The following CACNG2 variants were observed in gnomAD, a reference collection of about 807,000 sequenced individuals.
The protein encoded by CACNG2 is voltage-dependent calcium channel gamma-2 subunit.
In CACNG2, 3 loss-of-function variants were observed where a neutral mutation model predicts 25.9. That is an observed-to-expected ratio of 0.12 (90% CI 0.05 to 0.30). The LOEUF (loss-of-function observed/expected upper bound fraction) is 0.30, where lower values mean the gene tolerates loss of function less well. Among genes scored for constraint, CACNG2 ranks in the 10% least tolerant of loss-of-function variants. The probability of loss-of-function intolerance (pLI) is 1.00; values close to 1 mark genes in which losing one functional copy is unlikely to be tolerated. For missense variants in CACNG2, 341 were observed against 432.5 expected (o/e 0.79, Z 1.88); for synonymous variants, 167 against 173.3 (o/e 0.96, Z 0.29).
chr22:36,680,536 C>T (rs1214849535), intron 1 of CACNG2, among the ~76,000 whole-genome samples: 1 of 149,590 alleles, frequency 6.7e-6, no homozygotes, highest in Non-Finnish European at 1.5e-5. Flanking sequence ...CTGCCACCTG[C>T]ATCATGGTTA....
intron 1 of CACNG2, among the ~76,000 whole-genome samples, chr22:36,627,008 G>C (rs887390507): frequency 1.3e-5 from 2 of 152,228 alleles, no homozygotes; most frequent in African/African-American, 4.8e-5. Flanking sequence ...GGGCCACACA[G>C]ATAGGAAGTG....
chr22:36,699,268 CACACACACAG>C (rs1409462236), intron 1 of CACNG2, among the ~76,000 whole-genome samples: 1 of 151,720 alleles, frequency 6.6e-6, no homozygotes, highest in African/African-American at 2.4e-5. Context: ...CACACACACA[CACACACACAG>C]ACTTTTCAGT....
intron 1 of CACNG2, among the ~76,000 whole-genome samples, chr22:36,690,688 A>T (rs545996232): frequency 4.6e-5 from 7 of 152,220 alleles, no homozygotes; most frequent in Admixed American, 1.3e-4. Flanking sequence ...CATAAGTGAC[A>T]GGGGTGGGAT....
chr22:36,623,009 TG>T (rs200538305), intron 1 of CACNG2, among the ~76,000 whole-genome samples: 9,357 of 102,944 alleles, frequency 0.091, 1,002 homozygotes, highest in Non-Finnish European at 0.12. Flanking sequence ...CTTCAAAACA[TG>T]GGTTTTTTTT....
chr22:36,670,634 T>TGTTTGTTTG (rs1408332032), intron 1 of CACNG2, among the ~76,000 whole-genome samples: 1 of 151,832 alleles, frequency 6.6e-6, no homozygotes, highest in African/African-American at 2.4e-5. Context: ...TTTGTTTTTT[T>TGTTTGTTTG]GTTTTGTTTT....
intron 1 of CACNG2, among the ~76,000 whole-genome samples, chr22:36,657,135 C>G (rs1341158772): frequency 6.6e-6 from 1 of 152,222 alleles, no homozygotes; most frequent in East Asian, 1.9e-4. Context: ...GCCTCAGTCT[C>G]TGATGTTTGC....
chr22:36,658,398 G>T (rs1245754933), intron 1 of CACNG2, among the ~76,000 whole-genome samples: 1 of 152,234 alleles, frequency 6.6e-6, no homozygotes, highest in Non-Finnish European at 1.5e-5. Context: ...CATGGGGCCT[G>T]GGAGAGGGAA....
At chr22:36,624,087 A>G (rs1257288379) in intron 1 of CACNG2, among the ~76,000 whole-genome samples, 1 of 152,140 alleles carries the variant, frequency 6.6e-6, no homozygotes, top group African/African-American at 2.4e-5. Context: ...ATCCCAAGAG[A>G]GGGGACCTTG....
At chr22:36,570,128 T>C (rs1023530496) in intron 2 of CACNG2, among the ~76,000 whole-genome samples, 1 of 152,192 alleles carries the variant, frequency 6.6e-6, no homozygotes, top group Non-Finnish European at 1.5e-5. Context: ...TTGAGCCCCA[T>C]CTGCTGTGGG....
chr22:36,673,998 G>A (rs568512081), intron 1 of CACNG2, among the ~76,000 whole-genome samples: 3 of 152,318 alleles, frequency 2.0e-5, no homozygotes, highest in South Asian at 2.1e-4. Flanking sequence ...GCACGCAATC[G>A]CTGGTGTGCC....
At chr22:36,592,960 AC>A (rs1033574158) in intron 1 of CACNG2, among the ~76,000 whole-genome samples, 20 of 152,162 alleles carry the variant, frequency 1.3e-4, no homozygotes, top group Admixed American at 1.1e-3. Flanking sequence ...GCCCAGTCCC[AC>A]CAGTCAGGAC....
intron 2 of CACNG2, among the ~76,000 whole-genome samples, chr22:36,577,814 G>A (rs1397144006): frequency 6.6e-6 from 1 of 152,130 alleles, no homozygotes; most frequent in Non-Finnish European, 1.5e-5. Flanking sequence ...ATGGGGTGGG[G>A]TCACAATAGT....
At chr22:36,683,861 C>T (rs778354832) in intron 1 of CACNG2, among the ~76,000 whole-genome samples, 1 of 152,158 alleles carries the variant, frequency 6.6e-6, no homozygotes, top group African/African-American at 2.4e-5. Flanking sequence ...CCACCCCCCG[C>T]GACCCCTGGC....
intron 1 of CACNG2, among the ~76,000 whole-genome samples, chr22:36,654,509 G>A (rs1936675725): frequency 6.6e-6 from 1 of 152,032 alleles, no homozygotes; most frequent in South Asian, 2.1e-4. Context: ...TGAAATTACA[G>A]GTGTGACCCA....
intron 1 of CACNG2, among the ~76,000 whole-genome samples, chr22:36,668,918 C>T (rs1389705328): frequency 2.6e-5 from 4 of 152,108 alleles, no homozygotes; most frequent in Admixed American, 6.5e-5. Context: ...CCTTCTTCAA[C>T]GTTTCTGTTC....
At chr22:36,649,758 G>A (rs751043669) in intron 1 of CACNG2, among the ~76,000 whole-genome samples, 4 of 152,156 alleles carry the variant, frequency 2.6e-5, no homozygotes, top group Non-Finnish European at 5.9e-5. Context: ...TAAGTTTCAC[G>A]AGATATGGTG....
At position 36,635,475 on chromosome 22, in the gene CACNG2, C is replaced by T. The variant is rs191302823; in HGVS notation, c.212-47927G>A. On this transcript the variant is annotated intron_variant, in intron 1 of 3. Transcript: ENST00000300105. ...GAGGACAAAGATGCTTGTTACTGGG[C>T]CACTTACCATGTCAAAAGACAGAAA... Among the ~76,000 whole-genome samples, 18 of 152,142 alleles carry T rather than the reference C, an allele frequency of 1.2e-4. No individual in the cohort carries two copies. The East Asian group carries it at 3.1e-3, about 26-fold the overall frequency.
At chr22:36,573,145 T>C (rs1935260213) in intron 2 of CACNG2, among the ~76,000 whole-genome samples, 1 of 152,242 alleles carries the variant, frequency 6.6e-6, no homozygotes, top group South Asian at 2.1e-4. Context: ...TTTTGAGCAC[T>C]GCACATACAC....
intron 3 of CACNG2, among the ~76,000 whole-genome samples, chr22:36,565,149 A>G (rs1935105030): frequency 6.6e-6 from 1 of 152,256 alleles, no homozygotes; most frequent in African/African-American, 2.4e-5. Context: ...GCATTTCACA[A>G]GGCGCTGAGT....
Sources: gnomAD v4.1 joint callset for allele counts (sites outside exome capture counted in the v4.1 genomes callset) on GRCh38, gnomAD v4.1.1 for gene constraint, MANE v1.5 for transcripts, NCBI Gene and HGNC (gene_info 2026-07-23, HGNC 2026-07-21) for gene names.